The following SORCS1 variants were observed in gnomAD, a reference collection of about 807,000 sequenced individuals.
SORCS1 encodes the protein sortilin related VPS10 domain containing receptor 1.
Under a neutral mutation model 146.1 loss-of-function variants are expected in SORCS1, and 60 were observed. That is an observed-to-expected ratio of 0.41 (90% CI 0.33 to 0.51). The LOEUF (loss-of-function observed/expected upper bound fraction) is 0.51, where lower values mean the gene tolerates loss of function less well. SORCS1 is among the 20% of genes least tolerant of loss of function. The pLI, the probability that SORCS1 is intolerant of heterozygous loss-of-function variation, is 0.21. For synonymous variants in SORCS1, 637 were observed against 584.0 expected, an observed-to-expected ratio of 1.09 and a Z score of -1.31; for missense variants, 1,352 against 1,487.6, an observed-to-expected ratio of 0.91 and a Z score of 1.50.
At chr10:106,885,926 A>T (rs1219831838) in intron 2 of SORCS1, among the ~76,000 whole-genome samples, 9 of 151,910 alleles carry the variant, frequency 5.9e-5, no homozygotes, top group Non-Finnish European at 1.2e-4. Flanking sequence ...TTCCCCCATG[A>T]TTGTGAGGCC....
At chr10:107,012,480 T>C (rs986446386) in intron 1 of SORCS1, among the ~76,000 whole-genome samples, 2 of 152,242 alleles carry the variant, frequency 1.3e-5, no homozygotes, top group South Asian at 4.1e-4. Flanking sequence ...GCTTTTATTA[T>C]GCTAGCACTT....
chr10:107,132,374 C>T (rs1046485373), intron 1 of SORCS1, among the ~76,000 whole-genome samples: 3 of 152,144 alleles, frequency 2.0e-5, no homozygotes, highest in African/African-American at 4.8e-5. Flanking sequence ...CTCTTAATTC[C>T]GGTGCCATAT....
chr10:107,077,471 T>C (rs569188827), intron 1 of SORCS1, among the ~76,000 whole-genome samples: 40 of 152,048 alleles, frequency 2.6e-4, no homozygotes, highest in African/African-American at 6.3e-4. Context: ...GTTTTTTTTT[T>C]AGATGTTTAC....
At chr10:107,147,533 C>T (rs1223574656) in intron 1 of SORCS1, among the ~76,000 whole-genome samples, 1 of 152,130 alleles carries the variant, frequency 6.6e-6, no homozygotes, top group Non-Finnish European at 1.5e-5. Flanking sequence ...TCTCTCTCCC[C>T]TCTCTCTTCC....
intron 3 of SORCS1, among the ~76,000 whole-genome samples, chr10:106,792,995 C>A (rs576290519): frequency 1.3e-5 from 2 of 152,068 alleles, no homozygotes; most frequent in African/African-American, 4.8e-5. Flanking sequence ...TTTTTAAAAT[C>A]TAATTTAAGA....
At chr10:107,059,962 C>A (rs115709022) in intron 1 of SORCS1, among the ~76,000 whole-genome samples, 1,641 of 151,826 alleles carry the variant, frequency 0.011, 44 homozygotes, top group African/African-American at 0.037. Context: ...TTACGAAGTA[C>A]ATTAGAATGC....
At chr10:106,859,334 T>A (rs963049579) in intron 2 of SORCS1, among the ~76,000 whole-genome samples, 4 of 152,198 alleles carry the variant, frequency 2.6e-5, no homozygotes, top group African/African-American at 9.7e-5. Context: ...CAATAATTTA[T>A]CCTTTCACTC....
intron 1 of SORCS1, among the ~76,000 whole-genome samples, chr10:107,050,780 T>C (rs1960029468): frequency 1.3e-5 from 2 of 152,216 alleles, no homozygotes; most frequent in Non-Finnish European, 2.9e-5. Flanking sequence ...CTTAAGTATA[T>C]ATATGGTTTT....
intron 3 of SORCS1, among the ~76,000 whole-genome samples, chr10:106,795,602 G>A (rs1020290707): frequency 1.1e-4 from 17 of 152,136 alleles, no homozygotes; most frequent in Admixed American, 8.5e-4. Context: ...TTTCTGTTTC[G>A]GGAGATGATC....
At chr10:106,910,998 A>T (rs1461805902) in intron 2 of SORCS1, among the ~76,000 whole-genome samples, 1 of 152,190 alleles carries the variant, frequency 6.6e-6, no homozygotes, top group Non-Finnish European at 1.5e-5. Context: ...TTGAATTACT[A>T]TCCCATCTAG....
intron 18 of SORCS1, among the ~76,000 whole-genome samples, chr10:106,651,340 GC>G (rs1849849261): frequency 6.6e-6 from 1 of 152,058 alleles, no homozygotes. Flanking sequence ...CCCCAGCCTT[GC>G]CACTGTTTTG....
At chr10:107,143,390 C>T (rs969713737) in intron 1 of SORCS1, among the ~76,000 whole-genome samples, 5 of 152,286 alleles carry the variant, frequency 3.3e-5, no homozygotes, top group South Asian at 2.1e-4. Context: ...TGCAGTGGCA[C>T]GATGTTGGCT....
At chr10:106,703,838 TTAAA>T in intron 8 of SORCS1, among the ~76,000 whole-genome samples, 1 of 152,312 alleles carries the variant, frequency 6.6e-6, no homozygotes, top group Middle Eastern at 3.4e-3. Context: ...TCTCATTGCC[TTAAA>T]TAATAAACAT....
chr10:106,796,016 C>T (rs575210979), intron 3 of SORCS1, among the ~76,000 whole-genome samples: 20 of 152,118 alleles, frequency 1.3e-4, no homozygotes, highest in Admixed American at 1.3e-3. Context: ...AGGTTATGAA[C>T]AAATCAAATT....
At chr10:107,151,070 C>T (rs967919482) in intron 1 of SORCS1, among the ~76,000 whole-genome samples, 2 of 152,122 alleles carry the variant, frequency 1.3e-5, no homozygotes, top group Non-Finnish European at 2.9e-5. Flanking sequence ...GAGGCTGGAA[C>T]AGTTTGGAGG....
At chr10:107,024,173 CAAAAAAA>C (rs60404386) in intron 1 of SORCS1, among the ~76,000 whole-genome samples, 2 of 94,560 alleles carry the variant, frequency 2.1e-5, no homozygotes, top group Non-Finnish European at 4.5e-5. Flanking sequence ...GATTCCATCT[CAAAAAAA>C]AAAAAAAAAA....
Position 107,164,651 on chromosome 10 carries a change from G to T in SORCS1, c.-125C>A. ...CTCCATCCAAGTTGCGCCGCGGTGG[G>T]GGCGGGCGGAGGCGGCGCCGGGCAG... On this transcript the variant is annotated 5_prime_UTR_variant, in exon 1 of 26. Transcript: ENST00000263054. The surrounding 1 kb of genome is among the most constrained non-coding windows in gnomAD (Gnocchi z 6.8). 1 of 793,342 alleles carries T rather than the reference G, an allele frequency of 1.3e-6. No individual in the cohort carries two copies. The highest frequency in any genetic ancestry group is 1.7e-6 in the Non-Finnish European group (1 of 585,346). 49.1% of individuals were successfully genotyped at this position (793,342 alleles called of 1,614,324 possible). A position where few individuals can be genotyped will look rare whatever the true frequency, so the allele number is the denominator to read the frequency against.
intron 1 of SORCS1, among the ~76,000 whole-genome samples, chr10:107,156,334 C>T (rs1307297056): frequency 1.3e-5 from 2 of 152,176 alleles, no homozygotes; most frequent in Non-Finnish European, 2.9e-5. Flanking sequence ...TAACCTTGAG[C>T]AAGTTGTTTA....
chr10:107,066,794 T>C (rs1266641966), intron 1 of SORCS1, among the ~76,000 whole-genome samples: 2 of 152,166 alleles, frequency 1.3e-5, no homozygotes, highest in South Asian at 2.1e-4. Flanking sequence ...CCCAACCATA[T>C]AAATGGAAGG....
Sources: gnomAD v4.1 joint callset for allele counts (sites outside exome capture counted in the v4.1 genomes callset) on GRCh38, gnomAD v4.1.1 for gene constraint, Gnocchi (gnomAD v3.1) non-coding constraint, MANE v1.5 for transcripts, NCBI Gene and HGNC (gene_info 2026-07-23, HGNC 2026-07-21) for gene names.